LIN9: variants seen among roughly 807,000 people sequenced by gnomAD.
LIN9 encodes lin-9 DREAM MuvB core complex component.
LIN9 carries 18 observed loss-of-function variants against 78.0 expected under a neutral mutation model. That is an observed-to-expected ratio of 0.23 (90% CI 0.16 to 0.34). The LOEUF (loss-of-function observed/expected upper bound fraction) is 0.34, where lower values mean the gene tolerates loss of function less well. LIN9 is among the 10% of genes least tolerant of loss of function. The pLI is 1.00. For missense variants in LIN9, 451 were observed against 644.1 expected (o/e 0.70, Z 3.25); for synonymous variants, 192 against 215.2 (o/e 0.89, Z 0.94).
intron 1 of LIN9, 159 bp downstream of exon 1, chr1:226,308,950 C>G: frequency 1.7e-6 from 1 of 593,646 alleles, no homozygotes; most frequent in Non-Finnish European, 2.4e-6. Context: ...AAGGCGGCGA[C>G]GCGGCGGCAA....
chr1:226,299,226 G>A lies in LIN9; in HGVS notation c.65-1413C>T, dbSNP rs756334862. On this transcript the variant is annotated intron_variant, in intron 2 of 14. Transcript: ENST00000681046. ...TGATTTATCAAGATGAATGAGTGCC[G>A]GGTGCAGTGGCTCACATCTGTAATC... 3.3e-5 allele frequency among the ~76,000 whole-genome samples: 5 copies of A among 151,840 alleles called. No individual in the cohort carries two copies. In the East Asian group the frequency reaches 5.8e-4, roughly 18 times the overall value.
chr1:226,283,787 A>G (rs1406855512), intron 6 of LIN9, among the ~76,000 whole-genome samples: 1 of 152,040 alleles, frequency 6.6e-6, no homozygotes, highest in Non-Finnish European at 1.5e-5. Context: ...GTCTCTACTA[A>G]AAATACAAAA....
chr1:226,234,159 AT>A (rs943906043), intron 12 of LIN9, among the ~76,000 whole-genome samples: 2 of 152,188 alleles, frequency 1.3e-5, no homozygotes, highest in African/African-American at 4.8e-5. Context: ...ACAGTAAAGG[AT>A]TTCCTTTTTG....
chr1:226,289,838 G>C (rs1170946684), intron 4 of LIN9, among the ~76,000 whole-genome samples: 1 of 59,170 alleles, frequency 1.7e-5, no homozygotes, highest in African/African-American at 6.5e-5. Flanking sequence ...GTCCTCCGGG[G>C]GGGGGGGTGG....
chr1:226,236,933 G>A (rs66950676), intron 12 of LIN9, among the ~76,000 whole-genome samples: 35,701 of 152,118 alleles, frequency 0.23, 4,491 homozygotes, highest in South Asian at 0.33. Flanking sequence ...CTGGCTATAA[G>A]GAACAGTGAG....
At chr1:226,241,268 C>A (rs1027912927) in intron 11 of LIN9, among the ~76,000 whole-genome samples, 2 of 152,132 alleles carry the variant, frequency 1.3e-5, no homozygotes, top group Middle Eastern at 3.2e-3. Flanking sequence ...AATTTAATTT[C>A]ATTTCCTTGT....
intron 11 of LIN9, among the ~76,000 whole-genome samples, chr1:226,242,304 T>C (rs1439674201): frequency 6.6e-6 from 1 of 152,206 alleles, no homozygotes; most frequent in African/African-American, 2.4e-5. Context: ...CGAATATATG[T>C]ATATTGTTTG....
chr1:226,300,516 A>G (rs1576360842), intron 2 of LIN9, among the ~76,000 whole-genome samples: 1 of 152,062 alleles, frequency 6.6e-6, no homozygotes, highest in Admixed American at 6.5e-5. Flanking sequence ...ACATCACCAC[A>G]CTCTAGCCTG....
At chr1:226,296,857 CA>C (rs898977380) in intron 3 of LIN9, among the ~76,000 whole-genome samples, 9 of 149,900 alleles carry the variant, frequency 6.0e-5, no homozygotes, top group South Asian at 2.1e-4. Flanking sequence ...CCCATCTCTA[CA>C]AAAAAAAAAT....
chr1:226,290,819 C>G (rs1207832880), intron 4 of LIN9, among the ~76,000 whole-genome samples: 1 of 152,056 alleles, frequency 6.6e-6, no homozygotes, highest in Non-Finnish European at 1.5e-5. Flanking sequence ...CATACTGACA[C>G]GATCGCGGCT....
Position 226,287,656 on chromosome 1 carries a change from A to T in LIN9, c.398+8T>A. The T allele has an allele frequency of 6.6e-7, 1 of 1,520,544 alleles. No individual in the cohort carries two copies. Among genetic ancestry groups the T allele is most frequent in the South Asian group, 1.2e-5 (1 of 81,308 alleles). 94.2% of individuals were successfully genotyped at this position (1,520,544 alleles called of 1,614,324 possible). A position where few individuals can be genotyped will look rare whatever the true frequency, so the allele number is the denominator to read the frequency against. ...AGTAATATTCATAATATAAGCCATG[A>T]TACATACTTATCTATATTTGAATAG... On this transcript the variant is annotated splice_region_variant and intron_variant, in intron 5 of 14. Coordinates refer to ENST00000681046, the MANE Select transcript of LIN9 (RefSeq NM_001366245.2).
chr1:226,244,928 T>G (rs947528000), intron 11 of LIN9, among the ~76,000 whole-genome samples: 1 of 152,212 alleles, frequency 6.6e-6, no homozygotes, highest in African/African-American at 2.4e-5. Flanking sequence ...TTTCTAACCT[T>G]CAGATCTTGC....
intron 10 of LIN9, among the ~76,000 whole-genome samples, chr1:226,254,993 T>C (rs762841573): frequency 5.4e-5 from 8 of 148,064 alleles, no homozygotes; most frequent in African/African-American, 1.5e-4. Flanking sequence ...GTTCACAAAA[T>C]TGGAAAGAAT....
rs1660037945 is a variant in LIN9, at chr1:226,267,954, T to C, written c.816+3A>G. The stretch of plus-strand genomic sequence containing the variant: ...CACAAATGTATTATGAAATACTACT[T>C]ACGAGAACTTCATAGTCAGGGATGG... On this transcript the variant is annotated splice_donor_region_variant and intron_variant, in intron 8 of 14. Transcript: ENST00000681046. The C allele has an allele frequency of 2.5e-6, 4 of 1,611,562 alleles. No individual in the cohort carries two copies. The South Asian group carries it at 4.4e-5, about 18-fold the overall frequency.
intron 10 of LIN9, among the ~76,000 whole-genome samples, chr1:226,264,452 A>G (rs1025029501): frequency 1.3e-5 from 2 of 152,242 alleles, no homozygotes; most frequent in Non-Finnish European, 2.9e-5. Context: ...AATGCTATAT[A>G]CAGACACACA....
chr1:226,304,976 G>A (rs1203475053), intron 1 of LIN9, among the ~76,000 whole-genome samples: 1 of 151,998 alleles, frequency 6.6e-6, no homozygotes, highest in Non-Finnish European at 1.5e-5. Flanking sequence ...AATGACTTGA[G>A]GGCAGGAGTT....
intron 6 of LIN9, among the ~76,000 whole-genome samples, chr1:226,279,336 G>A (rs1357982433): frequency 6.6e-6 from 1 of 151,628 alleles, no homozygotes; most frequent in African/African-American, 2.4e-5. Context: ...GCATAATGGT[G>A]TGCATCCAGC....
chr1:226,286,553 C>G (rs1429829778), intron 5 of LIN9, 95 bp from the exon 6 acceptor site: 6 of 874,588 alleles, frequency 6.9e-6, no homozygotes, highest in African/African-American at 1.7e-5. Context: ...CACTTCTACC[C>G]CATATATATA....
chr1:226,301,087 G>C, intron 2 of LIN9, 86 bp downstream of exon 2: 2 of 936,426 alleles, frequency 2.1e-6, no homozygotes, highest in Non-Finnish European at 1.6e-6. Flanking sequence ...TCATAACTTA[G>C]AAGGAAAATG....
Sources: allele counts gnomAD v4.1 joint callset (sites outside exome capture counted in the v4.1 genomes callset), GRCh38; gene constraint gnomAD v4.1.1; transcripts MANE v1.5; gene names NCBI Gene and HGNC (gene_info 2026-07-23, HGNC 2026-07-21).